PCDH7: variants seen among roughly 807,000 people sequenced by gnomAD.
PCDH7 encodes the protein protocadherin 7.
A neutral mutation model predicts 58.9 loss-of-function variants in PCDH7; 17 were observed. That is an observed-to-expected ratio of 0.29 (90% CI 0.20 to 0.43). The LOEUF (loss-of-function observed/expected upper bound fraction) is 0.43, where lower values mean the gene tolerates loss of function less well. Among genes scored for constraint, PCDH7 ranks in the 20% least tolerant of loss-of-function variants. PCDH7 has a pLI of 1.00. For synonymous variants in PCDH7, 664 were observed against 616.4 expected, an observed-to-expected ratio of 1.08 and a Z score of -1.14; for missense variants, 1,274 against 1,441.0, an observed-to-expected ratio of 0.88 and a Z score of 1.88.
chr4:30,856,301 A>C (rs1158681133), intron 1 of PCDH7, among the ~76,000 whole-genome samples: 1 of 152,082 alleles, frequency 6.6e-6, no homozygotes, highest in Non-Finnish European at 1.5e-5. Context: ...TTCTGAACAG[A>C]GAGACAAATT....
intron 1 of PCDH7, among the ~76,000 whole-genome samples, chr4:30,855,956 G>A (rs1354908293): frequency 6.6e-6 from 1 of 152,090 alleles, no homozygotes; most frequent in Non-Finnish European, 1.5e-5. Context: ...CACCGTCTGG[G>A]TAATCATCAA....
intron 3 of PCDH7, among the ~76,000 whole-genome samples, chr4:31,037,438 G>T (rs755598173): frequency 6.6e-5 from 10 of 152,166 alleles, no homozygotes; most frequent in Admixed American, 3.3e-4. Context: ...CCTGGAAGGG[G>T]ATCTCCCTGG....
intron 3 of PCDH7, among the ~76,000 whole-genome samples, chr4:30,964,639 GA>G (rs1748833288): frequency 1.4e-5 from 2 of 139,180 alleles, no homozygotes; most frequent in South Asian, 4.7e-4. Context: ...TAACCTCCCT[GA>G]GGGCAGAAAT....
At chr4:31,123,613 CT>C (rs1204591529) in intron 3 of PCDH7, among the ~76,000 whole-genome samples, 1 of 152,152 alleles carries the variant, frequency 6.6e-6, no homozygotes, top group African/African-American at 2.4e-5. Flanking sequence ...AAACAGTGCT[CT>C]TTTAGCTTTG....
intron 1 of PCDH7, among the ~76,000 whole-genome samples, chr4:30,873,115 T>G (rs1735832713): frequency 6.6e-6 from 1 of 152,118 alleles, no homozygotes; most frequent in African/African-American, 2.4e-5. Context: ...TCAGTTTGAT[T>G]AAGATGAAAG....
At chr4:31,092,966 C>A (rs1461586083) in intron 3 of PCDH7, among the ~76,000 whole-genome samples, 1 of 151,996 alleles carries the variant, frequency 6.6e-6, no homozygotes, top group African/African-American at 2.4e-5. Flanking sequence ...TGTCATTTAT[C>A]TTGTATCTGT....
intron 3 of PCDH7, among the ~76,000 whole-genome samples, chr4:31,088,784 A>G (rs1712828186): frequency 6.6e-6 from 1 of 152,036 alleles, no homozygotes; most frequent in Non-Finnish European, 1.5e-5. Context: ...TTTTAATGTA[A>G]TCAAATTATG....
intron 1 of PCDH7, among the ~76,000 whole-genome samples, chr4:30,738,577 A>G (rs1437249200): frequency 1.3e-5 from 2 of 152,176 alleles, no homozygotes; most frequent in Non-Finnish European, 2.9e-5. Context: ...ATTAAATAAC[A>G]TCTTAGTTTT....
In PCDH7 at chr4:31,094,385, C is replaced by T. The variant is rs530528477; in HGVS notation, c.*8-48088C>T. ...TTGCTCTATGACTATTACTTACTGG[C>T]TATTACATAAGGACATCTTATAACA... On this transcript the variant is annotated intron_variant, in intron 3 of 3. Transcript: ENST00000509759. 3.3e-5 allele frequency among the ~76,000 whole-genome samples: 5 copies of T among 152,148 alleles called. No individual in the cohort carries two copies. The East Asian group carries it at 9.7e-4, about 29-fold the overall frequency.
chr4:30,971,258 T>G (rs1404536623), intron 3 of PCDH7, among the ~76,000 whole-genome samples: 1 of 152,178 alleles, frequency 6.6e-6, no homozygotes, highest in Non-Finnish European at 1.5e-5. Context: ...CAGGTTATAT[T>G]CACATTTCTT....
chr4:30,915,912 C>A (rs1446329662), intron 1 of PCDH7, among the ~76,000 whole-genome samples: 2 of 152,110 alleles, frequency 1.3e-5, no homozygotes, highest in African/African-American at 2.4e-5. Flanking sequence ...TATCCAATTT[C>A]TTTTAGAGAT....
intron 1 of PCDH7, among the ~76,000 whole-genome samples, chr4:30,787,138 A>G (rs1723504719): frequency 6.6e-6 from 1 of 152,066 alleles, no homozygotes; most frequent in South Asian, 2.1e-4. Context: ...CTTTTTCTTC[A>G]GTTTGCACTT....
At chr4:31,072,601 G>A (rs966381536) in intron 3 of PCDH7, among the ~76,000 whole-genome samples, 3 of 152,074 alleles carry the variant, frequency 2.0e-5, no homozygotes, top group East Asian at 3.9e-4. Flanking sequence ...GTGGAAGGGG[G>A]CAACTTTAAG....
chr4:30,790,003 T>C (rs1723910459), intron 1 of PCDH7, among the ~76,000 whole-genome samples: 1 of 152,188 alleles, frequency 6.6e-6, no homozygotes, highest in African/African-American at 2.4e-5. Flanking sequence ...AAAACTTATG[T>C]GCAGAATCCA....
intron 1 of PCDH7, among the ~76,000 whole-genome samples, chr4:30,765,177 T>C (rs1411060726): frequency 2.3e-5 from 3 of 129,802 alleles, no homozygotes; most frequent in East Asian, 2.5e-4. Flanking sequence ...GTAGCACTTA[T>C]GAGTTAGGGT....
At chr4:30,900,834 G>A (rs905638284) in intron 1 of PCDH7, among the ~76,000 whole-genome samples, 8 of 152,108 alleles carry the variant, frequency 5.3e-5, no homozygotes, top group Non-Finnish European at 8.8e-5. Flanking sequence ...ATAAAGTCAG[G>A]AATGGCACTC....
intron 1 of PCDH7, among the ~76,000 whole-genome samples, chr4:30,758,062 A>C (rs1719543374): frequency 1.3e-5 from 2 of 152,182 alleles, no homozygotes; most frequent in African/African-American, 4.8e-5. Flanking sequence ...GATGGTGGCA[A>C]ATGTTATGAA....
intron 3 of PCDH7, among the ~76,000 whole-genome samples, chr4:31,043,511 G>C (rs775815767): frequency 6.6e-6 from 1 of 152,076 alleles, no homozygotes; most frequent in South Asian, 2.1e-4. Context: ...TTGTGGTTTT[G>C]ATTTGTATTC....
At chr4:30,748,308 T>C (rs757448394) in intron 1 of PCDH7, among the ~76,000 whole-genome samples, 2 of 152,202 alleles carry the variant, frequency 1.3e-5, no homozygotes, top group African/African-American at 2.4e-5. Context: ...AGCTTCAGTA[T>C]CCATCTGAGT....
Sources: allele counts gnomAD v4.1 joint callset (sites outside exome capture counted in the v4.1 genomes callset), GRCh38; gene constraint gnomAD v4.1.1; transcripts MANE v1.5; gene names NCBI Gene and HGNC (gene_info 2026-07-23, HGNC 2026-07-21).